ASIC2: variants seen among roughly 807,000 people sequenced by gnomAD.
ASIC2 encodes acid sensing ion channel subunit 2, also known as acid-sensing ion channel 2.
ASIC2 carries 25 observed loss-of-function variants against 57.3 expected under a neutral mutation model. The observed-to-expected ratio is 0.44, with a 90% CI of 0.32 to 0.61. The LOEUF (loss-of-function observed/expected upper bound fraction) is 0.61, where lower values mean the gene tolerates loss of function less well. Ranked by LOEUF, ASIC2 falls within the 20% of genes least tolerant of loss-of-function variation. The pLI, the probability that ASIC2 is intolerant of heterozygous loss-of-function variation, is 0.06. For synonymous variants in ASIC2, 319 were observed against 307.5 expected (o/e 1.04, Z -0.39); for missense variants, 641 against 738.1 (o/e 0.87, Z 1.52).
intron 1 of ASIC2, among the ~76,000 whole-genome samples, chr17:33,560,908 C>A (rs1916052941): frequency 6.6e-6 from 1 of 152,092 alleles, no homozygotes. Flanking sequence ...CAATTCATAC[C>A]CAGATTTATC....
intron 1 of ASIC2, among the ~76,000 whole-genome samples, chr17:34,063,118 T>A (rs1322551618): frequency 6.6e-6 from 1 of 152,064 alleles, no homozygotes; most frequent in Non-Finnish European, 1.5e-5. Context: ...CTGAAATCCT[T>A]AACAAAATAC....
chr17:33,489,646 G>A (rs768502383), intron 1 of ASIC2, among the ~76,000 whole-genome samples: 1 of 152,324 alleles, frequency 6.6e-6, no homozygotes, highest in Non-Finnish European at 1.5e-5. Flanking sequence ...AAGGGATGAA[G>A]CCACAGACCC....
chr17:33,252,919 G>A (rs541971071), intron 1 of ASIC2, among the ~76,000 whole-genome samples: 1 of 152,208 alleles, frequency 6.6e-6, no homozygotes, highest in East Asian at 1.9e-4. Flanking sequence ...GCCTCTATCA[G>A]GTCTGATTTG....
intron 3 of ASIC2, 114 bp downstream of exon 3, chr17:33,088,749 T>TA: frequency 7.3e-7 from 1 of 1,368,346 alleles, no homozygotes; most frequent in Admixed American, 3.2e-5. Flanking sequence ...CATCTTTCTC[T>TA]AGTTTCACAG....
chr17:33,417,524 C>G (rs1413850769), intron 1 of ASIC2, among the ~76,000 whole-genome samples: 2 of 152,152 alleles, frequency 1.3e-5, no homozygotes, highest in Non-Finnish European at 1.5e-5. Context: ...TGATCTTGTC[C>G]TCTTTGAGGC....
intron 1 of ASIC2, among the ~76,000 whole-genome samples, chr17:33,468,488 T>C (rs1409889803): frequency 1.3e-5 from 2 of 152,228 alleles, no homozygotes; most frequent in Non-Finnish European, 2.9e-5. Flanking sequence ...ATTATATACT[T>C]CTAAAACACA....
At chr17:33,103,344 A>G (rs2092221723) in intron 2 of ASIC2, among the ~76,000 whole-genome samples, 1 of 152,150 alleles carries the variant, frequency 6.6e-6, no homozygotes, top group Admixed American at 6.5e-5. Context: ...AATGTAGATA[A>G]TATTATTATT....
chr17:33,613,517 A>C (rs1459017054), intron 1 of ASIC2, among the ~76,000 whole-genome samples: 1 of 151,156 alleles, frequency 6.6e-6, no homozygotes, highest in African/African-American at 2.4e-5. Context: ...GGCACCCGCC[A>C]CCACGCCCAG....
chr17:33,605,799 G>C (rs1198013129), intron 1 of ASIC2, among the ~76,000 whole-genome samples: 3 of 152,190 alleles, frequency 2.0e-5, no homozygotes, highest in African/African-American at 7.2e-5. Context: ...CCCAGCCTCA[G>C]CCCAAACTGG....
intron 1 of ASIC2, among the ~76,000 whole-genome samples, chr17:33,889,871 C>T (rs1914921878): frequency 6.6e-6 from 1 of 152,180 alleles, no homozygotes; most frequent in South Asian, 2.1e-4. Flanking sequence ...CTGGAGCTCA[C>T]CACCTCATGA....
chr17:33,023,206 GGCC>G (rs2141898496), intron 6 of ASIC2, among the ~76,000 whole-genome samples: 1 of 152,226 alleles, frequency 6.6e-6, no homozygotes, highest in Non-Finnish European at 1.5e-5. Flanking sequence ...AAAATCTCTG[GGCC>G]AGGCGCGGTG....
At chr17:33,319,244 C>G (rs1157970719) in intron 1 of ASIC2, among the ~76,000 whole-genome samples, 1 of 152,188 alleles carries the variant, frequency 6.6e-6, no homozygotes, top group Non-Finnish European at 1.5e-5. Flanking sequence ...AAATAAACCC[C>G]CAAAAACTAG....
intron 1 of ASIC2, among the ~76,000 whole-genome samples, chr17:33,969,454 G>A (rs1905163277): frequency 6.6e-6 from 1 of 152,178 alleles, no homozygotes. Flanking sequence ...CTCACAAGCA[G>A]GCTCAGTCAC....
chr17:33,812,669 A>G lies in ASIC2; in HGVS notation c.555+343309T>C, dbSNP rs1273760089. ...CTCTAGAGAGGCTGAGGCGAGCATC[A>G]GAAATTTTATGTGAACCCAAGAGGG... is the stretch of plus-strand genomic sequence containing the variant. On this transcript the variant is annotated intron_variant, in intron 1 of 9. Coordinates refer to the ASIC2 transcript ENST00000359872. 2.0e-5 allele frequency among the ~76,000 whole-genome samples: 3 copies of G among 152,220 alleles called. No homozygotes were observed. The East Asian group carries it at 5.8e-4, about 29-fold the overall frequency.
intron 1 of ASIC2, among the ~76,000 whole-genome samples, chr17:33,248,858 A>G (rs1281298958): frequency 6.6e-6 from 1 of 152,196 alleles, no homozygotes; most frequent in African/African-American, 2.4e-5. Flanking sequence ...CCTTGACTTA[A>G]TCATTCCTGC....
intron 1 of ASIC2, among the ~76,000 whole-genome samples, chr17:33,671,876 G>A (rs1207407961): frequency 6.6e-6 from 1 of 152,072 alleles, no homozygotes; most frequent in Non-Finnish European, 1.5e-5. Context: ...AGTCAGGCTT[G>A]GAACCTTGAA....
intron 1 of ASIC2, among the ~76,000 whole-genome samples, chr17:33,278,508 T>C (rs1265003195): frequency 6.6e-6 from 1 of 150,804 alleles, no homozygotes; most frequent in Non-Finnish European, 1.5e-5. Flanking sequence ...AAAAAATTGA[T>C]GGGCTTCTCC....
chr17:34,014,925 C>T (rs1906894695), intron 1 of ASIC2, among the ~76,000 whole-genome samples: 1 of 151,080 alleles, frequency 6.6e-6, no homozygotes, highest in Non-Finnish European at 1.5e-5. Context: ...TGCTCTGTCA[C>T]CCAGGCTGAT....
At chr17:33,734,720 C>A (rs1053817039) in intron 1 of ASIC2, among the ~76,000 whole-genome samples, 1 of 152,104 alleles carries the variant, frequency 6.6e-6, no homozygotes, top group Non-Finnish European at 1.5e-5. Context: ...GGAAGAGACA[C>A]CAGAGTGCAT....
Sources: allele counts gnomAD v4.1 joint callset (sites outside exome capture counted in the v4.1 genomes callset), GRCh38; gene constraint gnomAD v4.1.1; transcripts MANE v1.5; gene names NCBI Gene and HGNC (gene_info 2026-07-23, HGNC 2026-07-21).